Variants in SLC24A3 observed in about 807,000 individuals in gnomAD.
The protein encoded by SLC24A3 is solute carrier family 24 member 3.
In SLC24A3, 28 loss-of-function variants were observed where a neutral mutation model predicts 75.8. The ratio of observed to expected loss-of-function variants is 0.37; its 90% CI spans 0.27 to 0.51. The LOEUF is 0.51. Ranked by LOEUF, SLC24A3 falls within the 20% of genes least tolerant of loss-of-function variation. The probability of loss-of-function intolerance (pLI) is 0.94; values close to 1 mark genes in which losing one functional copy is unlikely to be tolerated. For synonymous variants in SLC24A3, 372 were observed against 334.1 expected, an observed-to-expected ratio of 1.11 and a Z score of -1.24; for missense variants, 663 against 847.8, an observed-to-expected ratio of 0.78 and a Z score of 2.71.
intron 9 of SLC24A3, among the ~76,000 whole-genome samples, chr20:19,675,498 C>T (rs572266210): frequency 6.6e-6 from 1 of 152,300 alleles, no homozygotes; most frequent in Admixed American, 6.5e-5. Context: ...GCTGGCTTGG[C>T]CAGTGCCCAG....
chr20:19,612,152 G>A (rs6081681), intron 6 of SLC24A3, among the ~76,000 whole-genome samples: 140,861 of 152,254 alleles, frequency 0.93, 65,713 homozygotes, highest in Non-Finnish European at 0.98. Flanking sequence ...GGCCCTCCCC[G>A]CAACATCAAA....
chr20:19,715,018 C>T (rs1186032214), intron 15 of SLC24A3, among the ~76,000 whole-genome samples: 4 of 152,192 alleles, frequency 2.6e-5, no homozygotes, highest in African/African-American at 4.8e-5. Context: ...TATCTGTATG[C>T]GCAGTGCTGA....
intron 2 of SLC24A3, among the ~76,000 whole-genome samples, chr20:19,446,977 G>A (rs1987398166): frequency 6.6e-6 from 1 of 152,154 alleles, no homozygotes; most frequent in Non-Finnish European, 1.5e-5. Context: ...ATATGACTTG[G>A]ATGAGGGCAC....
rs113163392 is a variant in SLC24A3 at position 19,711,587 on chromosome 20, C to T, written c.1720-5941C>T. 3.8e-4 allele frequency among the ~76,000 whole-genome samples: 58 copies of T among 152,344 alleles called. 1 individual carries two copies. Among genetic ancestry groups the T allele is most frequent in the African/African-American group, 1.3e-3 (56 of 41,590 alleles). On this transcript the variant is annotated intron_variant, in intron 15 of 16. Coordinates refer to ENST00000328041, the MANE Select transcript of SLC24A3 (RefSeq NM_020689.4). Reference sequence around the variant, plus strand: ...ACGCACACACGTGCATGCTCACATGCAAACACATGCACACAAACACACACA... The same window carrying T: ...ACGCACACACGTGCATGCTCACATGTAAACACATGCACACAAACACACACA...
intron 1 of SLC24A3, among the ~76,000 whole-genome samples, chr20:19,232,939 C>G (rs1982064120): frequency 6.6e-6 from 1 of 152,178 alleles, no homozygotes; most frequent in South Asian, 2.1e-4. Context: ...GAGGAGCTAC[C>G]AATTTGGAAA....
At chr20:19,634,750 G>A (rs1028288764) in intron 6 of SLC24A3, among the ~76,000 whole-genome samples, 6 of 152,040 alleles carry the variant, frequency 3.9e-5, no homozygotes, top group South Asian at 4.2e-4. Flanking sequence ...GGATAGATGA[G>A]GTGATTGACT....
intron 2 of SLC24A3, among the ~76,000 whole-genome samples, chr20:19,386,663 G>A (rs1015176690): frequency 2.6e-5 from 4 of 152,142 alleles, no homozygotes; most frequent in African/African-American, 9.7e-5. Context: ...GGCATCTATT[G>A]AGATGATCAT....
intron 3 of SLC24A3, among the ~76,000 whole-genome samples, chr20:19,573,260 C>G (rs570743059): frequency 1.3e-5 from 2 of 152,364 alleles, no homozygotes; most frequent in East Asian, 3.9e-4. Context: ...CTAGAGCCTG[C>G]TCACCTCTAA....
At chr20:19,594,569 A>C (rs970264769) in intron 6 of SLC24A3, among the ~76,000 whole-genome samples, 7 of 152,274 alleles carry the variant, frequency 4.6e-5, no homozygotes, top group African/African-American at 1.7e-4. Context: ...AGAGCCTACT[A>C]TGTGCCAGGC....
intron 2 of SLC24A3, among the ~76,000 whole-genome samples, chr20:19,291,441 G>T (rs374632912): frequency 2.2e-4 from 34 of 152,292 alleles, no homozygotes; most frequent in African/African-American, 7.9e-4. Context: ...GTGGGCCACG[G>T]CCACACCTCG....
At position 19,684,296 on chromosome 20, in the gene SLC24A3, A is replaced by G. The variant is rs2032647931; in HGVS notation, c.1022A>G (p.Lys341Arg). 1 of 1,614,116 alleles carries G rather than the reference A, an allele frequency of 6.2e-7. No individual in the cohort carries two copies. The highest frequency in any genetic ancestry group is 1.7e-5 in the Admixed American group (1 of 60,010). The change falls in exon 11 of 17, where the codon AAG (lysine) becomes AGG (arginine). Residue 341 changes from lysine (K) to arginine (R), a missense_variant. This residue lies in a region of SLC24A3 where 510 missense variants were observed against 703.6 expected (regional missense o/e 0.72). Transcript: ENST00000328041. ...RIMITSHFPP[K>R]TRLSMASRML... ...ATGATAACCAGCCACTTTCCCCCCAAGACCCGGCTCTCCATGGCCAGTCGC... is the reference window on the plus strand; with the variant it reads ...ATGATAACCAGCCACTTTCCCCCCAGGACCCGGCTCTCCATGGCCAGTCGC...
intron 3 of SLC24A3, among the ~76,000 whole-genome samples, chr20:19,532,302 G>T (rs2030317248): frequency 6.6e-6 from 1 of 152,162 alleles, no homozygotes; most frequent in African/African-American, 2.4e-5. Context: ...ACTTGCGGAA[G>T]GCCCCGCAGC....
At chr20:19,332,494 A>G (rs1443766022) in intron 2 of SLC24A3, among the ~76,000 whole-genome samples, 1 of 152,090 alleles carries the variant, frequency 6.6e-6, no homozygotes, top group East Asian at 1.9e-4. Flanking sequence ...CCTTTCAGCA[A>G]CTCTAAAAAT....
intron 2 of SLC24A3, among the ~76,000 whole-genome samples, chr20:19,450,211 C>T (rs1987456515): frequency 6.6e-6 from 1 of 152,186 alleles, no homozygotes; most frequent in African/African-American, 2.4e-5. Context: ...AACATGATGG[C>T]AGTCCTCTCC....
At chr20:19,383,577 T>C (rs1986221099) in intron 2 of SLC24A3, among the ~76,000 whole-genome samples, 1 of 152,124 alleles carries the variant, frequency 6.6e-6, no homozygotes, top group South Asian at 2.1e-4. Context: ...CTGAGGAATG[T>C]GGGGTTGGGG....
intron 2 of SLC24A3, among the ~76,000 whole-genome samples, chr20:19,356,710 A>G (rs1985690355): frequency 6.6e-6 from 1 of 152,132 alleles, no homozygotes; most frequent in African/African-American, 2.4e-5. Flanking sequence ...GGAATAAGGT[A>G]TGTGCATCCT....
At chr20:19,537,501 A>AGTT (rs1386574639) in intron 3 of SLC24A3, among the ~76,000 whole-genome samples, 15 of 152,184 alleles carry the variant, frequency 9.9e-5, no homozygotes, top group Admixed American at 2.0e-4. Flanking sequence ...TAGAAATACC[A>AGTT]TTTGACCCAG....
At chr20:19,668,184 A>C (rs899413829) in intron 8 of SLC24A3, among the ~76,000 whole-genome samples, 8 of 152,182 alleles carry the variant, frequency 5.3e-5, no homozygotes, top group Non-Finnish European at 1.0e-4. Flanking sequence ...AGCATTTTGC[A>C]CGTGAGTGAG....
intron 15 of SLC24A3, among the ~76,000 whole-genome samples, chr20:19,705,295 G>A (rs560559287): frequency 2.6e-5 from 4 of 152,288 alleles, no homozygotes; most frequent in Admixed American, 1.3e-4. Context: ...CTGTCTGATG[G>A]TTGGAGGAAC....
Sources: gnomAD v4.1 joint callset for allele counts (sites outside exome capture counted in the v4.1 genomes callset) on GRCh38, gnomAD v4.1.1 for gene constraint, gnomAD v4.1.1 regional missense constraint, MANE v1.5 for transcripts, NCBI Gene and HGNC (gene_info 2026-07-23, HGNC 2026-07-21) for gene names.